Variants in SEC24D observed in about 807,000 individuals in gnomAD.
The protein encoded by SEC24D is SEC24 homolog D, COPII component, also known as protein transport protein Sec24D.
A neutral mutation model predicts 116.9 loss-of-function variants in SEC24D; 69 were observed. That is an observed-to-expected ratio of 0.59 (90% confidence interval 0.49 to 0.72). The LOEUF (loss-of-function observed/expected upper bound fraction) is 0.72. Ranked by LOEUF, SEC24D falls within the 30% of genes least tolerant of loss-of-function variation. SEC24D has a pLI of 0.00. For synonymous variants in SEC24D, 405 were observed against 442.8 expected, an observed-to-expected ratio of 0.91 and a Z score of 1.07; for missense variants, 1,131 against 1,264.1, an observed-to-expected ratio of 0.89 and a Z score of 1.60.
At chr4:118,795,692 G>A (rs1204639155) in intron 8 of SEC24D, among the ~76,000 whole-genome samples, 1 of 152,118 alleles carries the variant, frequency 6.6e-6, no homozygotes, top group Non-Finnish European at 1.5e-5. Context: ...TTTACATGAA[G>A]TCCTAGAATA....
At chr4:118,755,951 CA>C (rs1727072150) in intron 11 of SEC24D, among the ~76,000 whole-genome samples, 1 of 151,840 alleles carries the variant, frequency 6.6e-6, no homozygotes, top group Non-Finnish European at 1.5e-5. Flanking sequence ...ATCTGTGCTC[CA>C]ATGGTACATA....
chr4:118,768,142 T>G (rs1727725297), intron 9 of SEC24D, 31 bp downstream of exon 9: 2 of 1,591,516 alleles, frequency 1.3e-6, no homozygotes, highest in South Asian at 2.3e-5. Context: ...AATAAAGAAT[T>G]TCACAAAGAG....
intron 3 of SEC24D, among the ~76,000 whole-genome samples, chr4:118,818,103 G>T (rs1730228865): frequency 1.3e-5 from 2 of 151,978 alleles, no homozygotes; most frequent in South Asian, 4.1e-4. Context: ...GAACTTATTA[G>T]ACGTTTATTT....
At chr4:118,731,267 G>T in intron 21 of SEC24D, 49 bp downstream of exon 21, 3 of 1,468,326 alleles carry the variant, frequency 2.0e-6, no homozygotes, top group Non-Finnish European at 2.9e-6. Context: ...AAACATTTAC[G>T]AATTTATATT....
At position 118,797,804 on chromosome 4, in the gene SEC24D, G is replaced by A. The variant is rs866111027; in HGVS notation, c.920C>T (p.Ala307Val). ...TDCMIQDQGN[A>V]SPRFIRCTTY... ...TGTACAACGGATGAATCGAGGACTG[G>A]CATTTCCTGAAACATTCAAAAGGAT... The change falls in exon 8 of 23, where the codon GCC becomes GTC. Residue 307 changes from alanine (A) to valine (V), a missense_variant. Coordinates refer to ENST00000280551, the MANE Select transcript of SEC24D (RefSeq NM_014822.4). 1.3e-6 allele frequency: 2 copies of A among 1,594,632 alleles called. No homozygotes were observed. Among genetic ancestry groups the A allele is most frequent in the Non-Finnish European group, 8.6e-7 (1 of 1,167,242 alleles).
At chr4:118,819,228 C>T (rs1403627282) in intron 3 of SEC24D, among the ~76,000 whole-genome samples, 3 of 152,054 alleles carry the variant, frequency 2.0e-5, no homozygotes, top group East Asian at 1.9e-4. Flanking sequence ...AATACTTTTT[C>T]GTCTTTTAAA....
intron 22 of SEC24D, among the ~76,000 whole-genome samples, chr4:118,725,397 C>T (rs1207122726): frequency 1.3e-5 from 2 of 152,176 alleles, no homozygotes; most frequent in Non-Finnish European, 2.9e-5. Flanking sequence ...TCCACCCTCT[C>T]CCACATGCCA....
At chr4:118,724,473 A>G (rs554181972) in intron 22 of SEC24D, among the ~76,000 whole-genome samples, 12 of 152,226 alleles carry the variant, frequency 7.9e-5, no homozygotes, top group Non-Finnish European at 1.6e-4. Context: ...TAGACTTAGT[A>G]TGAAAAATAA....
chr4:118,780,462 G>A (rs567370943), intron 8 of SEC24D, among the ~76,000 whole-genome samples: 1 of 152,216 alleles, frequency 6.6e-6, no homozygotes, highest in African/African-American at 2.4e-5. Flanking sequence ...TGTGGTCAGA[G>A]AGGCAGTTTG....
chr4:118,808,663 T>C (rs1729774783), intron 6 of SEC24D, among the ~76,000 whole-genome samples: 1 of 152,224 alleles, frequency 6.6e-6, no homozygotes, highest in Non-Finnish European at 1.5e-5. Flanking sequence ...TGACTGTGAC[T>C]TGGTACCTGA....
chr4:118,740,591 T>C (rs1726178489), intron 17 of SEC24D, 72 bp downstream of exon 17: 1 of 1,513,226 alleles, frequency 6.6e-7, no homozygotes, highest in Admixed American at 1.8e-5. Context: ...TTTGATGGTA[T>C]TTCAGTCTCC....
At chr4:118,771,027 T>C (rs1727876407) in intron 8 of SEC24D, among the ~76,000 whole-genome samples, 1 of 152,156 alleles carries the variant, frequency 6.6e-6, no homozygotes, top group African/African-American at 2.4e-5. Flanking sequence ...CACTGGCTTG[T>C]TTCATCTCTC....
chr4:118,738,296 G>T lies in SEC24D; in HGVS notation c.2461C>A (p.Arg821=). The T allele has an allele frequency of 3.7e-6, 6 of 1,613,404 alleles. No individual in the cohort carries two copies. Among genetic ancestry groups the T allele is most frequent in the Non-Finnish European group, 5.1e-6 (6 of 1,179,510 alleles). ...GCAGAAGGACTTGCACAATTCTTCCGGTAACATGCCAACATATGGGCAGTC... is the reference window on the plus strand; with the variant it reads ...GCAGAAGGACTTGCACAATTCTTCCTGTAACATGCCAACATATGGGCAGTC... ...NQTAHMLACY[R]KNCASPSAAS... is the part of the protein sequence containing the mutation. The change falls in exon 19 of 23, where the codon CGG becomes AGG. Residue 821 remains arginine (R), a synonymous_variant. Transcript: ENST00000280551.
chr4:118,723,699 CATT>C (rs1395396126), intron 22 of SEC24D, 44 bp from the exon 23 acceptor site: 1 of 1,574,638 alleles, frequency 6.4e-7, no homozygotes, highest in African/African-American at 1.4e-5. Context: ...TGGTTATAAA[CATT>C]ATTTGAAAAT....
At chr4:118,757,362 C>T (rs954298232) in intron 11 of SEC24D, among the ~76,000 whole-genome samples, 8 of 152,182 alleles carry the variant, frequency 5.3e-5, no homozygotes, top group East Asian at 1.9e-4. Flanking sequence ...GTCATCCCTT[C>T]GAACTCTGCC....
chr4:118,760,882 T>A lies in SEC24D; in HGVS notation c.1297-3037A>T, dbSNP rs1479783870. Reference sequence around the variant, plus strand: ...ACCACCAATGCCAGCTAATTTTTTTTTTTTATTTTTATTTTTAGTAGAGAC... The same window carrying A: ...ACCACCAATGCCAGCTAATTTTTTTATTTTATTTTTATTTTTAGTAGAGAC... On this transcript the variant is annotated intron_variant, in intron 10 of 22. Coordinates refer to ENST00000280551, the MANE Select transcript of SEC24D (RefSeq NM_014822.4). 2.0e-5 allele frequency among the ~76,000 whole-genome samples: 3 copies of A among 151,780 alleles called. No individual in the cohort carries two copies. In the East Asian group the frequency reaches 5.8e-4, roughly 29 times the overall value.
intron 4 of SEC24D, chr4:118,816,707 C>A: frequency 2.5e-6 from 1 of 393,618 alleles, no homozygotes; most frequent in African/African-American, 2.1e-5. Context: ...AAATGGCCGA[C>A]TGTGCTGTCA....
Position 118,744,125 on chromosome 4 carries a change from A to G in SEC24D, c.1858T>C (p.Ser620Pro). The change falls in exon 15 of 23, where the codon TCA (serine) becomes CCA (proline). Residue 620 changes from serine to proline, a missense_variant. Coordinates refer to ENST00000280551, the MANE Select transcript of SEC24D (RefSeq NM_014822.4). ...TGAGCCACGCAGTCCTTGGCCAATG[A>G]GTCATAGACATTTGTTTGGGGCTGG... is the stretch of plus-strand genomic sequence containing the variant. ...LFQPQTNVYD[S>P]LAKDCVAHGC... 6.3e-7 allele frequency: 1 copy of G among 1,595,898 alleles called. No homozygotes were observed. The highest frequency in any genetic ancestry group is 2.2e-5 in the East Asian group (1 of 44,546).
intron 8 of SEC24D, among the ~76,000 whole-genome samples, chr4:118,796,936 G>C (rs1279585748): frequency 1.3e-5 from 2 of 152,190 alleles, no homozygotes; most frequent in Non-Finnish European, 2.9e-5. Context: ...ATGGGTTATG[G>C]TCACAGCTCC....
Sources: allele counts gnomAD v4.1 joint callset (sites outside exome capture counted in the v4.1 genomes callset), GRCh38; gene constraint gnomAD v4.1.1; transcripts MANE v1.5; gene names NCBI Gene and HGNC (gene_info 2026-07-23, HGNC 2026-07-21).